Variants in TTC27 observed in about 807,000 individuals in gnomAD.
The protein encoded by TTC27 is tetratricopeptide repeat protein 27.
TTC27 carries 79 observed loss-of-function variants against 115.9 expected under a neutral mutation model. The observed-to-expected ratio is 0.68, with a 90% CI of 0.57 to 0.82. The LOEUF (loss-of-function observed/expected upper bound fraction) is 0.82. TTC27 is among the 40% of genes least tolerant of loss of function. The pLI is 0.00. For synonymous variants in TTC27, 401 were observed against 356.0 expected, an observed-to-expected ratio of 1.13 and a Z score of -1.42; for missense variants, 1,054 against 993.1, an observed-to-expected ratio of 1.06 and a Z score of -0.82.
chr2:32,700,390 C>T (rs1444421602), intron 9 of TTC27, among the ~76,000 whole-genome samples: 1 of 152,004 alleles, frequency 6.6e-6, no homozygotes, highest in African/African-American at 2.4e-5. Context: ...GAGCCTTTTC[C>T]TCAGTACTCT....
At chr2:32,653,563 C>T (rs934365049) in intron 5 of TTC27, among the ~76,000 whole-genome samples, 5 of 144,906 alleles carry the variant, frequency 3.5e-5, no homozygotes, top group African/African-American at 1.3e-4. Context: ...CACTGCACTA[C>T]AGCCTGGATG....
intron 14 of TTC27, among the ~76,000 whole-genome samples, chr2:32,780,854 T>G (rs1168788276): frequency 6.6e-6 from 1 of 151,322 alleles, no homozygotes; most frequent in African/African-American, 2.4e-5. Flanking sequence ...GTAGGTGTTT[T>G]TTTTTTTTTT....
chr2:32,651,059 T>C (rs915134095), intron 5 of TTC27, among the ~76,000 whole-genome samples: 1 of 152,098 alleles, frequency 6.6e-6, no homozygotes, highest in Non-Finnish European at 1.5e-5. Context: ...AAGGAATATG[T>C]GAACGTAAAT....
intron 16 of TTC27, 100 bp from the exon 17 acceptor site, chr2:32,810,924 T>C (rs1671295214): frequency 3.7e-6 from 5 of 1,340,522 alleles, no homozygotes; most frequent in Non-Finnish European, 4.2e-6. Context: ...TTTCATAAGG[T>C]TTTTCATTGT....
intron 13 of TTC27, among the ~76,000 whole-genome samples, chr2:32,761,542 T>C (rs112390793): frequency 3.0e-4 from 45 of 151,996 alleles, no homozygotes; most frequent in African/African-American, 8.4e-4. Flanking sequence ...TTCCTCCAAT[T>C]CTCCCCTTTT....
intron 9 of TTC27, among the ~76,000 whole-genome samples, chr2:32,701,117 G>C (rs1288132109): frequency 6.6e-6 from 1 of 152,098 alleles, no homozygotes; most frequent in African/African-American, 2.4e-5. Context: ...TTTTATGGGG[G>C]CAGGGATCCT....
At chr2:32,815,047 C>T (rs1382308877) in intron 18 of TTC27, among the ~76,000 whole-genome samples, 1 of 152,000 alleles carries the variant, frequency 6.6e-6, no homozygotes, top group Non-Finnish European at 1.5e-5. Flanking sequence ...ATAACAATGT[C>T]ATCATTGTGT....
chr2:32,813,275 CA>C (rs1671379108), intron 18 of TTC27, among the ~76,000 whole-genome samples: 1 of 152,152 alleles, frequency 6.6e-6, no homozygotes, highest in Admixed American at 6.5e-5. Flanking sequence ...AACTGAATCA[CA>C]AAGACCTTAC....
intron 16 of TTC27, among the ~76,000 whole-genome samples, chr2:32,791,916 G>A (rs1035319362): frequency 2.0e-5 from 3 of 152,064 alleles, no homozygotes; most frequent in African/African-American, 7.2e-5. Context: ...AAAATAATTT[G>A]CAGATAATTT....
intron 5 of TTC27, among the ~76,000 whole-genome samples, chr2:32,655,645 A>G (rs1208072598): frequency 6.6e-6 from 1 of 152,062 alleles, no homozygotes; most frequent in African/African-American, 2.4e-5. Flanking sequence ...CATCTAAAAA[A>G]TTATCCCCTT....
chr2:32,642,827 C>T (rs1389627147), intron 4 of TTC27, among the ~76,000 whole-genome samples: 1 of 151,876 alleles, frequency 6.6e-6, no homozygotes, highest in African/African-American at 2.4e-5. Flanking sequence ...GCCACCACAC[C>T]CGGCTAATTT....
At chr2:32,656,701 C>T (rs1665333883) in intron 5 of TTC27, among the ~76,000 whole-genome samples, 1 of 152,204 alleles carries the variant, frequency 6.6e-6, no homozygotes, top group African/African-American at 2.4e-5. Context: ...TGGACCCCTC[C>T]TTGGTAAACC....
At chr2:32,653,564 A>G (rs1266597035) in intron 5 of TTC27, among the ~76,000 whole-genome samples, 1 of 150,688 alleles carries the variant, frequency 6.6e-6, no homozygotes, top group East Asian at 2.0e-4. Context: ...ACTGCACTAC[A>G]GCCTGGATGA....
At chr2:32,646,063 C>G (rs1469175458) in intron 4 of TTC27, among the ~76,000 whole-genome samples, 1 of 149,020 alleles carries the variant, frequency 6.7e-6, no homozygotes, top group East Asian at 2.0e-4. Flanking sequence ...GAGTCTCGCT[C>G]TGTCGCCCAG....
chr2:32,789,346 C>T (rs1204318110), intron 16 of TTC27, among the ~76,000 whole-genome samples: 4 of 152,148 alleles, frequency 2.6e-5, no homozygotes, highest in Admixed American at 1.3e-4. Flanking sequence ...CCCTACCACC[C>T]CCAGATTAGG....
chr2:32,699,357 G>T (rs76858112), intron 9 of TTC27, among the ~76,000 whole-genome samples: 261 of 152,312 alleles, frequency 1.7e-3, no homozygotes, highest in African/African-American at 6.1e-3. Context: ...AAATGGAATG[G>T]AATTAAGAGC....
rs1366488561 is a variant in TTC27, at chr2:32,702,812, G to T, written c.1125G>T (p.Leu375Phe). ...EVELLAFTSC[L>F]LSQPKFWAIQ... ...TTTCTTCCCGCTTCTATCAGTGTTT[G>T]CTTTCACAACCAAAGTTCTGGGCCA... The change falls in exon 10 of 20, where the codon TTG (leucine) becomes TTT (phenylalanine). Residue 375 changes from leucine (L) to phenylalanine (F), a missense_variant. Coordinates refer to ENST00000317907, the MANE Select transcript of TTC27 (RefSeq NM_017735.5). 2 of 1,612,148 alleles carry T rather than the reference G, an allele frequency of 1.2e-6. No individual in the cohort carries two copies. The highest frequency in any genetic ancestry group is 2.2e-5 in the East Asian group (1 of 44,818).
intron 10 of TTC27, among the ~76,000 whole-genome samples, chr2:32,706,375 G>C (rs1339604947): frequency 6.6e-6 from 1 of 151,784 alleles, no homozygotes; most frequent in Admixed American, 6.6e-5. Flanking sequence ...GAGTCACTGC[G>C]CCTGGCCTAT....
At chr2:32,699,177 C>T (rs1465389686) in intron 9 of TTC27, among the ~76,000 whole-genome samples, 1 of 152,200 alleles carries the variant, frequency 6.6e-6, no homozygotes, top group Non-Finnish European at 1.5e-5. Flanking sequence ...GCTGGGACTT[C>T]TGCCCTGGAG....
Sources: gnomAD v4.1 joint callset for allele counts (sites outside exome capture counted in the v4.1 genomes callset) on GRCh38, gnomAD v4.1.1 for gene constraint, MANE v1.5 for transcripts, NCBI Gene and HGNC (gene_info 2026-07-23, HGNC 2026-07-21) for gene names.